MAP7: variants seen among roughly 807,000 people sequenced by gnomAD.
MAP7 encodes microtubule associated protein 7.
MAP7 carries 52 observed loss-of-function variants against 94.8 expected under a neutral mutation model. The ratio of observed to expected loss-of-function variants is 0.55; its 90% CI spans 0.44 to 0.69. The LOEUF is 0.69. Ranked by LOEUF, MAP7 falls within the 30% of genes least tolerant of loss-of-function variation. The pLI is 0.00. For synonymous variants in MAP7, 350 were observed against 357.0 expected, an observed-to-expected ratio of 0.98 and a Z score of 0.22; for missense variants, 940 against 964.6, an observed-to-expected ratio of 0.97 and a Z score of 0.34.
At chr6:136,410,595 C>T (rs917842234) in intron 3 of MAP7, among the ~76,000 whole-genome samples, 2 of 152,128 alleles carry the variant, frequency 1.3e-5, no homozygotes, top group South Asian at 2.1e-4. Flanking sequence ...AAATCTATGC[C>T]TAAAAAACCT....
chr6:136,433,128 C>T (rs1223952579), intron 1 of MAP7, among the ~76,000 whole-genome samples: 1 of 152,084 alleles, frequency 6.6e-6, no homozygotes, highest in Admixed American at 6.5e-5. Context: ...TCCCTTCTTC[C>T]TTTCTGAAAA....
chr6:136,458,881 C>T (rs1293551263), intron 1 of MAP7, among the ~76,000 whole-genome samples: 2 of 152,078 alleles, frequency 1.3e-5, no homozygotes, highest in East Asian at 1.9e-4. Context: ...AAAACACATA[C>T]AATAAAAGCA....
chr6:136,384,922 G>T (rs1269016443), intron 5 of MAP7, among the ~76,000 whole-genome samples: 1 of 152,186 alleles, frequency 6.6e-6, no homozygotes, highest in East Asian at 1.9e-4. Context: ...AAATAACACT[G>T]CATGTAATGA....
At chr6:136,362,816 G>T in intron 10 of MAP7, 114 bp from the exon 11 acceptor site, 1 of 1,454,290 alleles carries the variant, frequency 6.9e-7, no homozygotes, top group South Asian at 1.4e-5. Flanking sequence ...AAAGAAAAGG[G>T]AATGTTTATT....
In MAP7 at chr6:136,421,787, T is replaced by C. The variant is rs767017990; in HGVS notation, c.80A>G (p.Tyr27Cys). 4 of 1,611,794 alleles carry C rather than the reference T, an allele frequency of 2.5e-6. No homozygotes were observed. The highest frequency in any genetic ancestry group is 8.5e-7 in the Non-Finnish European group (1 of 1,179,336). Reference protein sequence around the residue: ...AVRSETAPDSYKVQDKKNASS... With the variant: ...AVRSETAPDSCKVQDKKNASS... ...GGCATTTTTCTTATCTTGCACTTTG[T>C]AGCTGTCGGGTGCTACAGAAATGAG... Residue 27 changes from tyrosine (Y) to cysteine (C), a missense_variant, in exon 2 of 18, where the codon TAC becomes TGC. Tyr to Cys is a radical substitution (Grantham distance 194, BLOSUM62 -2). Coordinates refer to ENST00000354570, the MANE Select transcript of MAP7 (RefSeq NM_003980.6).
At chr6:136,522,204 A>C (rs966557579) in intron 1 of MAP7, among the ~76,000 whole-genome samples, 4 of 152,150 alleles carry the variant, frequency 2.6e-5, no homozygotes, top group Admixed American at 6.6e-5. Context: ...TCAGCATTAC[A>C]AGGAGGCTTG....
chr6:136,517,737 T>C (rs539812582), intron 1 of MAP7, among the ~76,000 whole-genome samples: 64 of 150,202 alleles, frequency 4.3e-4, no homozygotes, highest in African/African-American at 1.4e-3. Context: ...AGCCTGGATT[T>C]CTAATAACTG....
chr6:136,412,772 A>T (rs1787902223), intron 2 of MAP7, among the ~76,000 whole-genome samples: 1 of 152,212 alleles, frequency 6.6e-6, no homozygotes, highest in Non-Finnish European at 1.5e-5. Flanking sequence ...CTAGGTTTAC[A>T]GGCTCACTCT....
chr6:136,351,359 A>G (rs1268612402), intron 16 of MAP7, among the ~76,000 whole-genome samples: 1 of 152,206 alleles, frequency 6.6e-6, no homozygotes. Flanking sequence ...CACCTAGTGT[A>G]CTGTGTGTTT....
intron 1 of MAP7, among the ~76,000 whole-genome samples, chr6:136,433,641 T>C (rs1336648742): frequency 6.6e-6 from 1 of 152,248 alleles, no homozygotes; most frequent in East Asian, 1.9e-4. Flanking sequence ...GTTTGTTCCA[T>C]ATGGATACAT....
chr6:136,446,421 A>G (rs759682832), intron 1 of MAP7, among the ~76,000 whole-genome samples: 3 of 152,216 alleles, frequency 2.0e-5, no homozygotes, highest in Non-Finnish European at 4.4e-5. Context: ...GAGTTTCCAC[A>G]TGTTCAACTT....
chr6:136,390,034 A>G (rs762645773), intron 3 of MAP7, among the ~76,000 whole-genome samples: 42 of 152,204 alleles, frequency 2.8e-4, no homozygotes, highest in Non-Finnish European at 4.3e-4. Flanking sequence ...GGACCGAACA[A>G]GCAGGTGGCC....
At chr6:136,468,978 AAC>A (rs1808054238) in intron 1 of MAP7, among the ~76,000 whole-genome samples, 1 of 152,128 alleles carries the variant, frequency 6.6e-6, no homozygotes. Context: ...CCTTAGCAAA[AAC>A]AGTTTTTTGT....
rs117295617 is a variant in MAP7, at chr6:136,486,013, T to C, written c.68-64214A>G. On this transcript the variant is annotated intron_variant, in intron 1 of 17. Coordinates refer to ENST00000354570, the MANE Select transcript of MAP7 (RefSeq NM_003980.6). ...CTTGTGAAACATCAAGTACATCTAA[T>C]AGACCAATTAGAGTAATAAACCATC... 4.9e-3 allele frequency among the ~76,000 whole-genome samples: 739 copies of C among 152,298 alleles called. 2 individuals are homozygous for C. Among genetic ancestry groups the C allele is most frequent in the Non-Finnish European group, 6.5e-3 (443 of 68,026 alleles).
At position 136,372,609 on chromosome 6, in the gene MAP7, G is replaced by C. The variant is rs878861473; in HGVS notation, c.768C>G (p.Ile256Met). The C allele has an allele frequency of 6.2e-7, 1 of 1,614,194 alleles. No homozygotes were observed. Among genetic ancestry groups the C allele is most frequent in the South Asian group, 1.1e-5 (1 of 91,084 alleles). Residue 256 changes from isoleucine (I) to methionine (M), a missense_variant, in exon 8 of 18, where the codon ATC becomes ATG. By Grantham distance (10) the Ile-to-Met change is conservative. Coordinates refer to ENST00000354570, the MANE Select transcript of MAP7 (RefSeq NM_003980.6). ...AGTGTGCAGCTTTGTAGGGCATGAT[G>C]ATGGGGCTGCAAGATGCTGAACGAG... ...LSGEAASCSP[I>M]IMPYKAAHSR...
Position 136,525,751 on chromosome 6 carries a change from C to T in MAP7, c.67+24591G>A, listed in dbSNP as rs552408964. The T allele has an allele frequency of 9.1e-6, 13 of 1,424,806 alleles. 1 individual carries two copies. The South Asian group carries it at 1.4e-4, about 16-fold the overall frequency. 88.3% of individuals were successfully genotyped at this position (1,424,806 alleles called of 1,614,324 possible). A position where few individuals can be genotyped will look rare whatever the true frequency, so the allele number is the denominator to read the frequency against. On this transcript the variant is annotated intron_variant, in intron 1 of 17. Transcript: ENST00000354570. Reference sequence around the variant, plus strand: ...CTCCCTGGAGCATGCACGAGCAGCACAGTTTATAAAACGTTCTATAGGCAG... The same window carrying T: ...CTCCCTGGAGCATGCACGAGCAGCATAGTTTATAAAACGTTCTATAGGCAG...
At chr6:136,466,716 T>C (rs1302471008) in intron 1 of MAP7, 1 of 1,525,342 alleles carries the variant, frequency 6.6e-7, no homozygotes, top group Non-Finnish European at 8.8e-7. Context: ...TTCTTGAACG[T>C]CCTTATTAAG....
intron 1 of MAP7, among the ~76,000 whole-genome samples, chr6:136,479,964 A>G (rs1454363752): frequency 6.6e-6 from 1 of 152,216 alleles, no homozygotes; most frequent in African/African-American, 2.4e-5. Context: ...CAAAATACCA[A>G]TGACATTCTT....
At chr6:136,430,225 A>T (rs1169498788) in intron 1 of MAP7, among the ~76,000 whole-genome samples, 1 of 152,254 alleles carries the variant, frequency 6.6e-6, no homozygotes, top group African/African-American at 2.4e-5. Context: ...TACTTTGCTT[A>T]ATTAAAACAA....
Sources: gnomAD v4.1 joint callset for allele counts (sites outside exome capture counted in the v4.1 genomes callset) on GRCh38, gnomAD v4.1.1 for gene constraint, MANE v1.5 for transcripts, NCBI Gene and HGNC (gene_info 2026-07-23, HGNC 2026-07-21) for gene names.